GRM7: variants seen among roughly 807,000 people sequenced by gnomAD.
The protein encoded by GRM7 is glutamate metabotropic receptor 7.
Under a neutral mutation model 84.5 loss-of-function variants are expected in GRM7, and 35 were observed. The ratio of observed to expected loss-of-function variants is 0.41; its 90% CI spans 0.32 to 0.55. The LOEUF (loss-of-function observed/expected upper bound fraction) is 0.55, where lower values mean the gene tolerates loss of function less well. GRM7 is among the 20% of genes least tolerant of loss of function. The probability of loss-of-function intolerance (pLI) is 0.19; values close to 1 mark genes in which losing one functional copy is unlikely to be tolerated. For synonymous variants in GRM7, 487 were observed against 455.1 expected (o/e 1.07, Z -0.89); for missense variants, 1,003 against 1,194.6 (o/e 0.84, Z 2.36).
rs150700458 is a variant in GRM7, at chr3:7,372,502, A to G, written c.1034-42521A>G. Among the ~76,000 whole-genome samples the G allele has an allele frequency of 1.7e-3, 256 of 152,282 alleles. 3 individuals carry two copies. Among genetic ancestry groups the G allele is most frequent in the African/African-American group, 5.4e-3 (223 of 41,560 alleles). On this transcript the variant is annotated intron_variant, in intron 4 of 9. Coordinates refer to ENST00000357716, the MANE Select transcript of GRM7 (RefSeq NM_000844.4). The stretch of plus-strand genomic sequence containing the variant: ...TATTCTCCCAATTACTCTTGGGTCT[A>G]CAGATGTACAGACAACTTTGTAGGC...
chr3:7,493,572 G>A (rs1699599266), intron 7 of GRM7, among the ~76,000 whole-genome samples: 1 of 151,852 alleles, frequency 6.6e-6, no homozygotes, highest in African/African-American at 2.4e-5. Context: ...AGTTGAATTT[G>A]AAGTGAGTTT....
chr3:7,098,726 T>C (rs943339244), intron 1 of GRM7, among the ~76,000 whole-genome samples: 3 of 152,012 alleles, frequency 2.0e-5, no homozygotes, highest in African/African-American at 7.2e-5. Context: ...ACATCGATGA[T>C]GGATAATAAC....
At chr3:7,622,343 G>T (rs1697398981) in intron 8 of GRM7, among the ~76,000 whole-genome samples, 1 of 152,054 alleles carries the variant, frequency 6.6e-6, no homozygotes, top group African/African-American at 2.4e-5. Flanking sequence ...AAATGCAACA[G>T]ACTGCCTTGG....
chr3:7,532,525 G>T (rs1214040232), intron 7 of GRM7, among the ~76,000 whole-genome samples: 1 of 151,502 alleles, frequency 6.6e-6, no homozygotes, highest in Non-Finnish European at 1.5e-5. Flanking sequence ...TTCTTTATTA[G>T]TCTGGCTAGC....
intron 6 of GRM7, among the ~76,000 whole-genome samples, chr3:7,457,477 C>T (rs1698067652): frequency 6.6e-6 from 1 of 152,240 alleles, no homozygotes; most frequent in African/African-American, 2.4e-5. Flanking sequence ...ATTGTAAAAT[C>T]TCAAATAATA....
chr3:6,946,185 G>C (rs1000235291), intron 1 of GRM7, among the ~76,000 whole-genome samples: 2 of 152,042 alleles, frequency 1.3e-5, no homozygotes, highest in African/African-American at 4.8e-5. Flanking sequence ...GGGTTTTTAT[G>C]GTTTTAGGTC....
intron 8 of GRM7, among the ~76,000 whole-genome samples, chr3:7,621,169 A>C (rs1697336706): frequency 6.6e-6 from 1 of 152,144 alleles, no homozygotes; most frequent in Non-Finnish European, 1.5e-5. Context: ...ACATCAGTGA[A>C]ATGGCAGAAT....
At chr3:7,593,169 C>G (rs1444777379) in intron 8 of GRM7, among the ~76,000 whole-genome samples, 3 of 152,154 alleles carry the variant, frequency 2.0e-5, no homozygotes, top group Non-Finnish European at 4.4e-5. Flanking sequence ...TGGCAATTGC[C>G]TCACCAAATT....
chr3:7,213,458 G>A (rs1266629496), intron 2 of GRM7, among the ~76,000 whole-genome samples: 2 of 152,202 alleles, frequency 1.3e-5, no homozygotes, highest in Admixed American at 1.3e-4. Flanking sequence ...TGAAAATGAA[G>A]CTCAGGGATG....
In GRM7 at chr3:6,861,789, T is replaced by TG; in HGVS notation, c.402dup (p.Arg135AlafsTer44). 6.2e-7 allele frequency: 1 copy of TG among 1,614,188 alleles called. No homozygotes were observed. On this transcript the variant is annotated frameshift_variant, in exon 1 of 10. Transcript: ENST00000357716. LOFTEE classifies it high-confidence loss of function. The surrounding 1 kb of genome is among the most constrained non-coding windows in gnomAD (Gnocchi z 6.4). ...CTCATCCAGAAGGACACCTCCGACGTGCGCTGCACCAACGGCGAACCGCCG... is the reference window on the plus strand; with the variant it reads ...CTCATCCAGAAGGACACCTCCGACGTGGCGCTGCACCAACGGCGAACCGCCG...
At chr3:7,204,236 A>G (rs1167358250) in intron 2 of GRM7, among the ~76,000 whole-genome samples, 1 of 152,200 alleles carries the variant, frequency 6.6e-6, no homozygotes, top group African/African-American at 2.4e-5. Context: ...GTTGTGGGAA[A>G]TCTAGGCCTC....
At chr3:7,139,734 A>G (rs1241521672) in intron 1 of GRM7, among the ~76,000 whole-genome samples, 4 of 152,036 alleles carry the variant, frequency 2.6e-5, no homozygotes, top group African/African-American at 9.7e-5. Flanking sequence ...TTTAGAAAAG[A>G]AAAACTCCTT....
At chr3:7,732,764 A>T (rs1259658586) in intron 9 of GRM7, among the ~76,000 whole-genome samples, 2 of 152,260 alleles carry the variant, frequency 1.3e-5, no homozygotes, top group Admixed American at 6.5e-5. Context: ...TCTCTGATCC[A>T]GACCCCAAGA....
intron 2 of GRM7, among the ~76,000 whole-genome samples, chr3:7,164,398 A>C (rs564990774): frequency 4.9e-4 from 75 of 152,254 alleles, no homozygotes; most frequent in African/African-American, 1.6e-3. Flanking sequence ...CCTAGAGTCA[A>C]ACTTAGCCTA....
chr3:7,303,922 T>C (rs553128861), intron 3 of GRM7, among the ~76,000 whole-genome samples: 13 of 141,158 alleles, frequency 9.2e-5, no homozygotes, highest in Non-Finnish European at 1.9e-4. Flanking sequence ...CTGGAGCATA[T>C]CCTGTAGCTT....
intron 8 of GRM7, among the ~76,000 whole-genome samples, chr3:7,592,575 C>A (rs927020582): frequency 6.6e-6 from 1 of 152,152 alleles, no homozygotes; most frequent in Non-Finnish European, 1.5e-5. Context: ...CATGCAGAGC[C>A]TTTAAGGATT....
chr3:7,625,560 G>A (rs576754501), intron 8 of GRM7, among the ~76,000 whole-genome samples: 21 of 152,224 alleles, frequency 1.4e-4, no homozygotes, highest in African/African-American at 4.1e-4. Context: ...TCCTAGCTAC[G>A]TGGGAGGCTG....
chr3:7,174,573 G>T (rs893692637), intron 2 of GRM7, among the ~76,000 whole-genome samples: 11 of 152,158 alleles, frequency 7.2e-5, no homozygotes, highest in African/African-American at 2.7e-4. Flanking sequence ...TTTATTTCTA[G>T]TTGTTGTCCA....
chr3:7,407,671 A>G (rs558369436), intron 4 of GRM7, among the ~76,000 whole-genome samples: 1 of 152,228 alleles, frequency 6.6e-6, no homozygotes, highest in Non-Finnish European at 1.5e-5. Flanking sequence ...GAATGAATGA[A>G]TGAAATAATA....
Sources: gnomAD v4.1 joint callset for allele counts (sites outside exome capture counted in the v4.1 genomes callset) on GRCh38, gnomAD v4.1.1 for gene constraint, Gnocchi (gnomAD v3.1) non-coding constraint, MANE v1.5 for transcripts, NCBI Gene and HGNC (gene_info 2026-07-23, HGNC 2026-07-21) for gene names.